Variants in ABCA12 observed in about 807,000 individuals in gnomAD.
ABCA12 encodes the protein glucosylceramide transporter ABCA12.
In ABCA12, 156 loss-of-function variants were observed where a neutral mutation model predicts 293.5. The ratio of observed to expected loss-of-function variants is 0.53; its 90% CI spans 0.47 to 0.61. ABCA12 has a LOEUF of 0.61. ABCA12 is among the 20% of genes least tolerant of loss of function. The pLI, the probability that ABCA12 is intolerant of heterozygous loss-of-function variation, is 0.00. For missense variants in ABCA12, 2,797 were observed against 3,090.2 expected (o/e 0.91, Z 2.25); for synonymous variants, 1,063 against 1,108.0 (o/e 0.96, Z 0.81).
At chr2:214,947,831 C>G (rs1698630854) in intron 47 of ABCA12, 1 of 426,034 alleles carries the variant, frequency 2.3e-6, no homozygotes, top group Non-Finnish European at 4.4e-6. Context: ...GCAGATTGAA[C>G]TTTTTGCTGC....
intron 2 of ABCA12, among the ~76,000 whole-genome samples, chr2:215,077,332 A>G (rs1701853728): frequency 6.6e-6 from 1 of 152,242 alleles, no homozygotes; most frequent in Non-Finnish European, 1.5e-5. Flanking sequence ...GCTCATTACA[A>G]TGTAAGCTTA....
rs555562540 is a variant in ABCA12 at position 214,974,256 on chromosome 2, A to G, written c.5469-214T>C. Among the ~76,000 whole-genome samples the G allele has an allele frequency of 1.1e-4, 16 of 152,338 alleles. No individual in the cohort carries two copies. In the South Asian group the frequency reaches 1.9e-3, roughly 18 times the overall value. ...ACAAGGGAGAGCATTTATTGATTAC[A>G]TAGTATTGAGACCAGTGCTTATTGA... On this transcript the variant is annotated intron_variant, in intron 35 of 52. Coordinates refer to ENST00000272895, the MANE Select transcript of ABCA12 (RefSeq NM_173076.3).
intron 39 of ABCA12, among the ~76,000 whole-genome samples, chr2:214,959,528 C>G (rs899064031): frequency 3.9e-5 from 6 of 152,162 alleles, no homozygotes; most frequent in Non-Finnish European, 8.8e-5. Flanking sequence ...CCCCATCCCT[C>G]TTTAGTGCTG....
Position 215,055,613 on chromosome 2 carries a change from G to T in ABCA12, c.318-949C>A, listed in dbSNP as rs138697356. Among the ~76,000 whole-genome samples the T allele has an allele frequency of 3.3e-5, 5 of 152,082 alleles. No homozygotes were observed. The East Asian group carries it at 9.7e-4, about 29-fold the overall frequency. ...CTATAAAAAGATAATGGAAAAGCAA[G>T]AAATTCTGCTTACTACCATGGTTCA... On this transcript the variant is annotated intron_variant, in intron 3 of 52. Transcript: ENST00000272895.
chr2:215,069,786 G>C (rs1701701935), intron 2 of ABCA12, among the ~76,000 whole-genome samples: 1 of 152,114 alleles, frequency 6.6e-6, no homozygotes, highest in Admixed American at 6.6e-5. Context: ...CTTCAGCCTA[G>C]GGCTGAAAAC....
intron 38 of ABCA12, among the ~76,000 whole-genome samples, chr2:214,968,443 AGTTT>A (rs1216373491): frequency 6.6e-6 from 1 of 152,038 alleles, no homozygotes; most frequent in Non-Finnish European, 1.5e-5. Context: ...AATATGAAAC[AGTTT>A]ATTTCTATAT....
Position 214,934,641 on chromosome 2 carries a change from A to G in ABCA12, c.7543-426T>C, listed in dbSNP as rs1698163324. Among the ~76,000 whole-genome samples the G allele has an allele frequency of 2.0e-5, 3 of 152,304 alleles. No individual in the cohort carries two copies. In the South Asian group the frequency reaches 6.2e-4, roughly 32 times the overall value. The stretch of plus-strand genomic sequence containing the variant: ...GCAGTTCCATTTATATTGGCTAAAG[A>G]CAGTAGACTTCAAAAGCATTGAAGC... On this transcript the variant is annotated intron_variant, in intron 51 of 52. Transcript: ENST00000272895.
intron 7 of ABCA12, among the ~76,000 whole-genome samples, chr2:215,043,910 G>A (rs1277414142): frequency 1.3e-5 from 2 of 151,868 alleles, no homozygotes; most frequent in African/African-American, 2.4e-5. Flanking sequence ...GGATGATAAC[G>A]CTATCTACAT....
intron 2 of ABCA12, among the ~76,000 whole-genome samples, chr2:215,088,155 G>T (rs1295888958): frequency 2.6e-5 from 4 of 152,202 alleles, no homozygotes; most frequent in African/African-American, 9.6e-5. Flanking sequence ...ATTAAGCAGA[G>T]AAAATGGCAT....
intron 2 of ABCA12, among the ~76,000 whole-genome samples, chr2:215,068,697 A>C (rs1701681235): frequency 6.6e-6 from 1 of 151,246 alleles, no homozygotes; most frequent in Non-Finnish European, 1.5e-5. Flanking sequence ...TTCAATTTCC[A>C]ATTCTTCTTT....
rs572899013 is a variant in ABCA12, at chr2:215,069,059, T to G, written c.164-4840A>C. ...GTAGAATCGGACACTTGCCACTGTT[T>G]CATTCTGTTTTTCTCAAAACAGTTC... On this transcript the variant is annotated intron_variant, in intron 2 of 52. Transcript: ENST00000272895. Among the ~76,000 whole-genome samples, 11 of 152,310 alleles carry G rather than the reference T, an allele frequency of 7.2e-5. No homozygotes were observed. The East Asian group carries it at 1.7e-3, about 24-fold the overall frequency.
intron 17 of ABCA12, 76 bp from the exon 18 acceptor site, chr2:215,010,546 A>T (rs1026945734): frequency 1.3e-6 from 2 of 1,512,952 alleles, no homozygotes; most frequent in Admixed American, 1.8e-5. Flanking sequence ...ATTGACAGAG[A>T]TTATTCTTAT....
At chr2:215,025,621 T>C in intron 11 of ABCA12, 52 bp downstream of exon 11, 3 of 1,098,322 alleles carry the variant, frequency 2.7e-6, no homozygotes, top group Non-Finnish European at 2.5e-6. Flanking sequence ...GTTTGTTTTG[T>C]CTTTTTGTTT....
In ABCA12 at chr2:215,011,528, C is replaced by T. The variant is rs758818623; in HGVS notation, c.2243G>A (p.Arg748Lys). Residue 748 changes from arginine to lysine, a missense_variant, in exon 17 of 53, where the codon AGG becomes AAG. Arg to Lys is a conservative substitution (Grantham distance 26). This residue lies in a region of ABCA12 where 2,130 missense variants were observed against 2,427.0 expected (regional missense o/e 0.88). Transcript: ENST00000272895. ...YLTAMLPSSQRPKGNHTKDFL... is the reference protein window; with the variant it reads ...YLTAMLPSSQKPKGNHTKDFL... ...ATCCTTGGTGTGGTTGCCTTTTGGC[C>T]TCTGGGAAGAGGGCAGCATGGCAGT... The T allele has an allele frequency of 1.1e-5, 18 of 1,613,950 alleles. No homozygotes were observed. Among genetic ancestry groups the T allele is most frequent in the Non-Finnish European group, 1.4e-5 (16 of 1,179,926 alleles).
intron 17 of ABCA12, 43 bp downstream of exon 17, chr2:215,011,396 G>T: frequency 1.4e-6 from 2 of 1,405,442 alleles, no homozygotes; most frequent in Non-Finnish European, 2.0e-6. Context: ...TATTCTTATT[G>T]TCATTAAGGG....
chr2:215,037,119 A>G (rs984053027), intron 7 of ABCA12, 54 bp from the exon 8 acceptor site: 6 of 1,417,346 alleles, frequency 4.2e-6, no homozygotes, highest in Admixed American at 1.7e-5. Context: ...TTGCAGACAG[A>G]AACAAAAGAT....
chr2:215,136,541 C>T (rs1307166535), intron 1 of ABCA12, among the ~76,000 whole-genome samples: 2 of 152,036 alleles, frequency 1.3e-5, no homozygotes, highest in Non-Finnish European at 2.9e-5. Context: ...GACAATAACA[C>T]GTACAGATTT....
chr2:214,990,705 G>A lies in ABCA12; in HGVS notation c.3621C>T (p.Phe1207=). Residue 1207 remains phenylalanine, a synonymous_variant, in exon 24 of 53, where the codon TTC becomes TTT. Transcript: ENST00000272895. Reference sequence around the variant, plus strand: ...GCCATTCCAACGGTTGACTTACCATGAACACTTTCAATACATAGCTCAACT... The same window carrying A: ...GCCATTCCAACGGTTGACTTACCATAAACACTTTCAATACATAGCTCAACT... ...ENELSYVLKV[F]MSLLSPTAFS... The A allele has an allele frequency of 6.2e-7, 1 of 1,613,818 alleles. No individual in the cohort carries two copies. The highest frequency in any genetic ancestry group is 8.5e-7 in the Non-Finnish European group (1 of 1,179,848).
chr2:215,076,039 T>G (rs1701827479), intron 2 of ABCA12, among the ~76,000 whole-genome samples: 2 of 152,232 alleles, frequency 1.3e-5, no homozygotes, highest in Admixed American at 1.3e-4. Flanking sequence ...TATTTACAAA[T>G]GATACTTGTG....
Sources: allele counts gnomAD v4.1 joint callset (sites outside exome capture counted in the v4.1 genomes callset), GRCh38; gene constraint gnomAD v4.1.1; regional missense constraint gnomAD v4.1.1; transcripts MANE v1.5; gene names NCBI Gene and HGNC (gene_info 2026-07-23, HGNC 2026-07-21).